The following YTHDC1 variants were observed in gnomAD, a reference collection of about 807,000 sequenced individuals.
The protein encoded by YTHDC1 is YTH N6-methyladenosine RNA binding protein C1.
In YTHDC1, 12 loss-of-function variants were observed where a neutral mutation model predicts 107.0. That is an observed-to-expected ratio of 0.11 (90% confidence interval 0.07 to 0.18). The LOEUF (loss-of-function observed/expected upper bound fraction) is 0.18. Ranked by LOEUF, YTHDC1 falls within the 10% of genes least tolerant of loss-of-function variation. The pLI is 1.00. For missense variants in YTHDC1, 635 were observed against 898.8 expected (o/e 0.71, Z 3.75); for synonymous variants, 280 against 289.5 (o/e 0.97, Z 0.33).
chr4:68,320,940 T>TG (rs1722386351), intron 11 of YTHDC1, among the ~76,000 whole-genome samples: 1 of 152,090 alleles, frequency 6.6e-6, no homozygotes, highest in Admixed American at 6.5e-5. Context: ...TGGCAAGTAA[T>TG]GGGTCAGAAT....
intron 1 of YTHDC1, among the ~76,000 whole-genome samples, chr4:68,348,325 A>G (rs1725673169): frequency 6.6e-6 from 1 of 152,208 alleles, no homozygotes; most frequent in Non-Finnish European, 1.5e-5. Flanking sequence ...CCATATCCAC[A>G]GTTCATAAAT....
intron 12 of YTHDC1, 102 bp from the exon 13 acceptor site, chr4:68,318,964 A>G: frequency 8.0e-7 from 1 of 1,256,866 alleles, no homozygotes; most frequent in Non-Finnish European, 1.1e-6. Flanking sequence ...TTTCCATGAA[A>G]TATGTACTTT....
chr4:68,349,712 T>C lies in YTHDC1; in HGVS notation c.28+14A>G. 1.2e-6 allele frequency: 2 copies of C among 1,604,130 alleles called. No individual in the cohort carries two copies. Among genetic ancestry groups the C allele is most frequent in the Non-Finnish European group, 1.7e-6 (2 of 1,175,918 alleles). ...CCAGCCTCGCCTCGGCCCGTCATCT[T>C]TCTCCGCACTAACCTTTCTCCTCCC... On this transcript the variant is annotated intron_variant, in intron 1 of 16. Transcript: ENST00000344157.
chr4:68,350,045 TA>T lies in YTHDC1; in HGVS notation c.-293del. Reference sequence around the variant, plus strand: ...AACAGATGGCGACGGCGGGCGGCGCTAAAATGGAGCCTGCTTCCTGCGCGAA... The same window carrying T: ...AACAGATGGCGACGGCGGGCGGCGCTAAATGGAGCCTGCTTCCTGCGCGAA... On this transcript the variant is annotated 5_prime_UTR_variant, in exon 1 of 17. Transcript: ENST00000344157. The T allele has an allele frequency of 5.6e-6, 3 of 536,612 alleles. No homozygotes were observed. The South Asian group carries it at 6.8e-5, about 12-fold the overall frequency. The allele number at this position is 536,612 out of a possible 1,614,324, so 33.2% of individuals were successfully genotyped here. A position where few individuals can be genotyped will look rare whatever the true frequency, so the allele number is the denominator to read the frequency against.
rs900503039 is a variant in YTHDC1 at position 68,310,661 on chromosome 4, A to G, written c.*3438T>C. The G allele has an allele frequency of 6.6e-6, 1 of 152,178 alleles. No individual in the cohort carries two copies. Among genetic ancestry groups the G allele is most frequent in the African/African-American group, 2.4e-5 (1 of 41,444 alleles). 9.4% of individuals were successfully genotyped at this position (152,178 alleles called of 1,614,324 possible). Reference sequence around the variant, plus strand: ...TGCCTCAATTTTAATATGTGTTTCAAACTGCATTTGGAATGTTTCCTACCC... The same window carrying G: ...TGCCTCAATTTTAATATGTGTTTCAGACTGCATTTGGAATGTTTCCTACCC... On this transcript the variant is annotated 3_prime_UTR_variant, in exon 17 of 17. Transcript: ENST00000344157.
At chr4:68,343,193 C>CT (rs142723529) in intron 1 of YTHDC1, among the ~76,000 whole-genome samples, 1,837 of 151,202 alleles carry the variant, frequency 0.012, 12 homozygotes, top group Non-Finnish European at 0.02. Flanking sequence ...TTAAAAATCA[C>CT]TTTTTTTTTA....
intron 9 of YTHDC1, among the ~76,000 whole-genome samples, chr4:68,325,871 G>A (rs1057006065): frequency 2.3e-4 from 35 of 152,132 alleles, no homozygotes; most frequent in African/African-American, 8.2e-4. Context: ...TAAAAGCTTG[G>A]TTTCTTTTTC....
At chr4:68,318,892 C>G (rs1560473382) in intron 12 of YTHDC1, 30 bp from the exon 13 acceptor site, 1 of 1,611,282 alleles carries the variant, frequency 6.2e-7, no homozygotes, top group Non-Finnish European at 8.5e-7. Context: ...TTTAGTAAAT[C>G]AAATTTATAT....
intron 1 of YTHDC1, among the ~76,000 whole-genome samples, chr4:68,341,624 T>C (rs1195085885): frequency 6.6e-6 from 1 of 152,092 alleles, no homozygotes. Flanking sequence ...AGAGAACACT[T>C]ACAGCCCACA....
intron 1 of YTHDC1, among the ~76,000 whole-genome samples, chr4:68,347,181 T>C (rs1443728931): frequency 1.3e-5 from 2 of 152,202 alleles, no homozygotes; most frequent in East Asian, 3.8e-4. Flanking sequence ...AAACACGTTA[T>C]TTTTAACACA....
intron 5 of YTHDC1, 146 bp downstream of exon 5, chr4:68,333,160 TTA>T: frequency 1.6e-6 from 1 of 636,028 alleles, no homozygotes; most frequent in South Asian, 2.3e-5. Context: ...AAGAAAAAGC[TTA>T]GTTTTCTCTA....
At chr4:68,347,947 G>A (rs1725631573) in intron 1 of YTHDC1, among the ~76,000 whole-genome samples, 1 of 152,076 alleles carries the variant, frequency 6.6e-6, no homozygotes, top group Non-Finnish European at 1.5e-5. Flanking sequence ...AAACTATAAA[G>A]ATAAAGCACT....
chr4:68,316,192 A>C, intron 16 of YTHDC1, 122 bp downstream of exon 16: 1 of 1,143,238 alleles, frequency 8.7e-7, no homozygotes, highest in Admixed American at 2.6e-5. Flanking sequence ...AATTATTCCA[A>C]AACAGTCTGC....
At chr4:68,320,289 G>T in intron 11 of YTHDC1, 84 bp from the exon 12 acceptor site, 1 of 953,152 alleles carries the variant, frequency 1.0e-6, no homozygotes, top group Non-Finnish European at 1.6e-6. Context: ...ACAGAGATAA[G>T]TACAAAGAAT....
Position 68,318,624 on chromosome 4 carries a change from A to G in YTHDC1, c.1762-43T>C, listed in dbSNP as rs370526172. ...AATGTCAATATAATTAAAAATTATC[A>G]CAGAACTGCAAAATAAATCAGAGCC... On this transcript the variant is annotated intron_variant, in intron 14 of 16. Transcript: ENST00000344157. 1.9e-6 allele frequency: 3 copies of G among 1,607,278 alleles called. No individual in the cohort carries two copies. The African/African-American group carries it at 4.0e-5, about 22-fold the overall frequency.
At chr4:68,319,660 T>G (rs1441470296) in intron 12 of YTHDC1, among the ~76,000 whole-genome samples, 1 of 152,168 alleles carries the variant, frequency 6.6e-6, no homozygotes, top group Non-Finnish European at 1.5e-5. Flanking sequence ...AAGGGATAGA[T>G]TAATTGAAAA....
chr4:68,337,175 C>T lies in YTHDC1; in HGVS notation c.735G>A (p.Glu245=), dbSNP rs757364840. 5.3e-6 allele frequency: 8 copies of T among 1,502,130 alleles called. No individual in the cohort carries two copies. Among genetic ancestry groups the T allele is most frequent in the East Asian group, 4.6e-5 (2 of 43,572 alleles). The allele number at this position is 1,502,130 out of a possible 1,614,324, so 93.1% of individuals were successfully genotyped here. The change falls in exon 4 of 17, where the codon GAG becomes GAA. Residue 245 remains glutamate, a synonymous_variant. Coordinates refer to ENST00000344157, the MANE Select transcript of YTHDC1 (RefSeq NM_001031732.4). The part of the protein sequence containing the change: ...EEEEEEEEEE[E]EEEEYEQDER... ...CATCCTGTTCATATTCTTCTTCTTC[C>T]TCCTCCTCCTCCTCCTCTTCCTCCT...
Position 68,350,058 on chromosome 4 carries a change from G to C in YTHDC1, c.-305C>G. The C allele has an allele frequency of 1.9e-6, 1 of 522,792 alleles. No individual in the cohort carries two copies. 32.4% of individuals were successfully genotyped at this position (522,792 alleles called of 1,614,324 possible). ...GGCGGGCGGCGCTAAAATGGAGCCT[G>C]CTTCCTGCGCGAAACAATCCCGCTC... On this transcript the variant is annotated 5_prime_UTR_variant, in exon 1 of 17. Coordinates refer to ENST00000344157, the MANE Select transcript of YTHDC1 (RefSeq NM_001031732.4).
At chr4:68,349,409 A>G (rs1230167635) in intron 1 of YTHDC1, among the ~76,000 whole-genome samples, 1 of 152,236 alleles carries the variant, frequency 6.6e-6, no homozygotes, top group Non-Finnish European at 1.5e-5. Context: ...TGATCCTACC[A>G]GGAAATAAAC....
Sources: gnomAD v4.1 joint callset for allele counts (sites outside exome capture counted in the v4.1 genomes callset) on GRCh38, gnomAD v4.1.1 for gene constraint, MANE v1.5 for transcripts, NCBI Gene and HGNC (gene_info 2026-07-23, HGNC 2026-07-21) for gene names.